The following GPC6 variants were observed in gnomAD, a reference collection of about 807,000 sequenced individuals.
GPC6 encodes the protein glypican 6, also known as glypican-6.
Under a neutral mutation model 55.2 loss-of-function variants are expected in GPC6, and 14 were observed. That is an observed-to-expected ratio of 0.25 (90% CI 0.17 to 0.40). The LOEUF is 0.40. Among genes scored for constraint, GPC6 ranks in the 10% least tolerant of loss-of-function variants. The probability of loss-of-function intolerance (pLI) is 1.00; values close to 1 mark genes in which losing one functional copy is unlikely to be tolerated. For synonymous variants in GPC6, 278 were observed against 259.6 expected (o/e 1.07, Z -0.68); for missense variants, 641 against 708.5 (o/e 0.90, Z 1.08).
intron 2 of GPC6, among the ~76,000 whole-genome samples, chr13:93,605,939 T>C (rs1566446478): frequency 6.6e-6 from 1 of 152,100 alleles, no homozygotes; most frequent in Non-Finnish European, 1.5e-5. Context: ...TATTTCAATT[T>C]TTTGATCTGT....
intron 3 of GPC6, among the ~76,000 whole-genome samples, chr13:93,864,619 G>A (rs1888906695): frequency 1.3e-5 from 2 of 151,760 alleles, no homozygotes. Context: ...TTGACCACTT[G>A]CTCTGTGCCA....
intron 4 of GPC6, among the ~76,000 whole-genome samples, chr13:94,171,710 G>A (rs563207864): frequency 6.6e-6 from 1 of 152,282 alleles, no homozygotes; most frequent in Non-Finnish European, 1.5e-5. Flanking sequence ...AGTTTCTTGA[G>A]GCCCTAGTTT....
At chr13:93,887,830 G>A (rs1352267207) in intron 3 of GPC6, among the ~76,000 whole-genome samples, 2 of 152,098 alleles carry the variant, frequency 1.3e-5, no homozygotes, top group African/African-American at 4.8e-5. Context: ...GATTCCAGAG[G>A]TAGCAAAATT....
At chr13:93,939,255 T>C (rs925459425) in intron 3 of GPC6, among the ~76,000 whole-genome samples, 5 of 151,360 alleles carry the variant, frequency 3.3e-5, no homozygotes, top group Middle Eastern at 3.2e-3. Flanking sequence ...AATTCTTCTT[T>C]AATGTTTTGA....
chr13:93,478,926 G>A (rs907726704), intron 1 of GPC6, among the ~76,000 whole-genome samples: 1 of 152,166 alleles, frequency 6.6e-6, no homozygotes, highest in South Asian at 2.1e-4. Flanking sequence ...GAGAGAGGGG[G>A]AGATATTTAC....
intron 3 of GPC6, among the ~76,000 whole-genome samples, chr13:93,901,150 C>T (rs567076097): frequency 1.5e-3 from 222 of 152,126 alleles, no homozygotes; most frequent in Admixed American, 2.5e-3. Context: ...AAGACTTAGA[C>T]ATGGTTGATA....
chr13:94,375,339 T>A (rs1469371999), intron 6 of GPC6, among the ~76,000 whole-genome samples: 2 of 151,846 alleles, frequency 1.3e-5, no homozygotes, highest in Non-Finnish European at 2.9e-5. Context: ...AAGAATCAAG[T>A]AGACACAATA....
At chr13:94,260,477 C>A (rs1891624774) in intron 4 of GPC6, among the ~76,000 whole-genome samples, 3 of 152,168 alleles carry the variant, frequency 2.0e-5, no homozygotes, top group Admixed American at 2.0e-4. Flanking sequence ...TGGCCATCTT[C>A]TCCCTGTGTC....
intron 2 of GPC6, among the ~76,000 whole-genome samples, chr13:93,660,899 T>C (rs1416721220): frequency 1.3e-5 from 2 of 152,218 alleles, no homozygotes; most frequent in Non-Finnish European, 2.9e-5. Flanking sequence ...ACATAGCTCA[T>C]GACCCATCTG....
intron 4 of GPC6, among the ~76,000 whole-genome samples, chr13:94,086,874 A>G (rs1038247359): frequency 1.3e-5 from 2 of 152,220 alleles, no homozygotes; most frequent in African/African-American, 4.8e-5. Flanking sequence ...ACAATTCTAA[A>G]TAAAACGACA....
intron 3 of GPC6, among the ~76,000 whole-genome samples, chr13:93,989,468 G>C (rs1881191273): frequency 6.6e-6 from 1 of 152,184 alleles, no homozygotes; most frequent in African/African-American, 2.4e-5. Flanking sequence ...AAGAACTCAT[G>C]ATCAGAGCAA....
chr13:93,935,937 G>A (rs937106015), intron 3 of GPC6, among the ~76,000 whole-genome samples: 1 of 152,100 alleles, frequency 6.6e-6, no homozygotes, highest in Non-Finnish European at 1.5e-5. Context: ...ATTTTTATCA[G>A]ATTCCCTCTT....
At chr13:93,706,558 C>T (rs1882855544) in intron 2 of GPC6, among the ~76,000 whole-genome samples, 1 of 151,774 alleles carries the variant, frequency 6.6e-6, no homozygotes, top group Non-Finnish European at 1.5e-5. Context: ...CTATCAAAAG[C>T]CAATTTATTG....
At chr13:93,560,880 T>C (rs1044443377) in intron 2 of GPC6, among the ~76,000 whole-genome samples, 13 of 152,186 alleles carry the variant, frequency 8.5e-5, no homozygotes, top group African/African-American at 3.1e-4. Flanking sequence ...GTTTGTCTTC[T>C]TGCGCATGTC....
At chr13:94,326,205 GCACACACACACA>G (rs3138573) in intron 6 of GPC6, among the ~76,000 whole-genome samples, 32 of 147,894 alleles carry the variant, frequency 2.2e-4, no homozygotes, top group African/African-American at 5.5e-4. Flanking sequence ...GTATGCTTGT[GCACACACACACA>G]CACACACACA....
intron 3 of GPC6, among the ~76,000 whole-genome samples, chr13:94,000,140 A>G (rs545023636): frequency 4.6e-5 from 7 of 152,108 alleles, no homozygotes; most frequent in African/African-American, 1.7e-4. Flanking sequence ...AGACATCCCT[A>G]TCTTTGTGGC....
chr13:94,379,798 T>A (rs975760087), intron 6 of GPC6, among the ~76,000 whole-genome samples: 1 of 152,194 alleles, frequency 6.6e-6, no homozygotes, highest in African/African-American at 2.4e-5. Context: ...TGACCCATAC[T>A]GGACACTGTG....
chr13:94,092,303 C>G (rs1379015512), intron 4 of GPC6, among the ~76,000 whole-genome samples: 1 of 152,008 alleles, frequency 6.6e-6, no homozygotes, highest in African/African-American at 2.4e-5. Flanking sequence ...TTTCCCCACC[C>G]ACTTGCCCCT....
intron 2 of GPC6, among the ~76,000 whole-genome samples, chr13:93,707,013 T>G (rs2138802903): frequency 6.6e-6 from 1 of 151,968 alleles, no homozygotes; most frequent in East Asian, 2.0e-4. Context: ...GACCAGGAGC[T>G]ATAGAAACAA....
Sources: allele counts gnomAD v4.1 joint callset (sites outside exome capture counted in the v4.1 genomes callset), GRCh38; gene constraint gnomAD v4.1.1; transcripts MANE v1.5; gene names NCBI Gene and HGNC (gene_info 2026-07-23, HGNC 2026-07-21).